The following KHDRBS2 variants were observed in gnomAD, a reference collection of about 807,000 sequenced individuals.
The protein encoded by KHDRBS2 is KH domain-containing, RNA-binding, signal transduction-associated protein 2.
A neutral mutation model predicts 44.3 loss-of-function variants in KHDRBS2; 26 were observed. The observed-to-expected ratio is 0.59, with a 90% confidence interval of 0.43 to 0.81. The LOEUF (loss-of-function observed/expected upper bound fraction) is 0.81, where lower values mean the gene tolerates loss of function less well. KHDRBS2 is among the 40% of genes least tolerant of loss of function. The pLI is 0.00. For synonymous variants in KHDRBS2, 194 were observed against 151.1 expected, an observed-to-expected ratio of 1.28 and a Z score of -2.08; for missense variants, 476 against 433.1, an observed-to-expected ratio of 1.10 and a Z score of -0.88.
intron 6 of KHDRBS2, among the ~76,000 whole-genome samples, chr6:61,775,760 A>G (rs1781868325): frequency 6.6e-6 from 1 of 152,226 alleles, no homozygotes; most frequent in African/African-American, 2.4e-5. Context: ...TCAAGCTACC[A>G]GTGACTTTCT....
intron 4 of KHDRBS2, among the ~76,000 whole-genome samples, chr6:61,911,270 G>A (rs1379440012): frequency 6.6e-6 from 1 of 152,110 alleles, no homozygotes; most frequent in African/African-American, 2.4e-5. Context: ...AAGGAGTTTT[G>A]CTAAATAAAT....
intron 3 of KHDRBS2, among the ~76,000 whole-genome samples, chr6:61,993,599 T>C (rs1469306622): frequency 2.8e-5 from 4 of 143,280 alleles, no homozygotes; most frequent in African/African-American, 1.0e-4. Context: ...AGAAATAAGA[T>C]CATGGACAGG....
intron 1 of KHDRBS2, among the ~76,000 whole-genome samples, chr6:62,179,371 T>A (rs1585084121): frequency 6.6e-6 from 1 of 151,730 alleles, no homozygotes. Flanking sequence ...ATATTCTACA[T>A]GGAAGTATTA....
chr6:61,557,386 T>A, the KHDRBS2 span, among the ~76,000 whole-genome samples: 125 of 152,158 alleles, frequency 8.2e-4, no homozygotes, highest in Non-Finnish European at 1.6e-3. Context: ...ATAGAATATA[T>A]ATAGAGAGTG....
intron 4 of KHDRBS2, among the ~76,000 whole-genome samples, chr6:61,904,924 G>C (rs1804689778): frequency 6.6e-6 from 1 of 152,162 alleles, no homozygotes; most frequent in Non-Finnish European, 1.5e-5. Flanking sequence ...AAGTTCCTAA[G>C]ATCACAAGGC....
At chr6:61,891,190 G>A (rs566238683) in intron 6 of KHDRBS2, among the ~76,000 whole-genome samples, 2 of 152,282 alleles carry the variant, frequency 1.3e-5, no homozygotes, top group South Asian at 4.1e-4. Context: ...CAAATACCTA[G>A]ATCAGGAGAT....
intron 1 of KHDRBS2, among the ~76,000 whole-genome samples, chr6:62,251,432 G>T (rs572677282): frequency 6.6e-6 from 1 of 151,862 alleles, no homozygotes; most frequent in Admixed American, 6.6e-5. Context: ...ATCTAAGTTT[G>T]CAATTATTTT....
intron 4 of KHDRBS2, among the ~76,000 whole-genome samples, chr6:61,936,739 T>A (rs1355056848): frequency 6.6e-6 from 1 of 152,022 alleles, no homozygotes; most frequent in African/African-American, 2.4e-5. Context: ...GAACTGAAAG[T>A]CAATAATTAT....
rs115423029 is a variant in KHDRBS2, at chr6:62,120,551, C to T, written c.219+56634G>A. Among the ~76,000 whole-genome samples the T allele has an allele frequency of 3.9e-3, 595 of 152,132 alleles. 2 individuals carry two copies. Among genetic ancestry groups the T allele is most frequent in the African/African-American group, 0.014 (566 of 41,496 alleles). ...TCAAAGGCAAGGTGGGCATAGCTAC[C>T]GTAATGAACAGAAGAGGCAAAGCAG... On this transcript the variant is annotated intron_variant, in intron 2 of 8. Coordinates refer to ENST00000281156, the MANE Select transcript of KHDRBS2 (RefSeq NM_152688.4).
At chr6:62,104,105 C>T (rs183003683) in intron 2 of KHDRBS2, among the ~76,000 whole-genome samples, 2 of 152,206 alleles carry the variant, frequency 1.3e-5, no homozygotes, top group African/African-American at 4.8e-5. Flanking sequence ...TAAATGATTG[C>T]TGTTTAAACA....
chr6:61,831,000 T>TA (rs927566649), intron 6 of KHDRBS2, among the ~76,000 whole-genome samples: 3 of 152,034 alleles, frequency 2.0e-5, no homozygotes, highest in Non-Finnish European at 4.4e-5. Context: ...TATTAAGATA[T>TA]AAAAAAAAGT....
At chr6:61,710,550 G>A (rs922417583) in intron 7 of KHDRBS2, among the ~76,000 whole-genome samples, 3 of 151,446 alleles carry the variant, frequency 2.0e-5, no homozygotes, top group Non-Finnish European at 4.4e-5. Context: ...ATGGTGGAGT[G>A]TCTCTTAAAG....
At chr6:61,793,566 TA>T (rs1394828158) in intron 6 of KHDRBS2, among the ~76,000 whole-genome samples, 1 of 152,080 alleles carries the variant, frequency 6.6e-6, no homozygotes, top group Non-Finnish European at 1.5e-5. Flanking sequence ...TGTAATGCTT[TA>T]TTTTTTCAAA....
intron 2 of KHDRBS2, among the ~76,000 whole-genome samples, chr6:62,162,793 C>A (rs1434774294): frequency 6.6e-6 from 1 of 152,012 alleles, no homozygotes; most frequent in African/African-American, 2.4e-5. Flanking sequence ...GTTTGCCTGG[C>A]ACATTGGATA....
At chr6:62,201,644 G>A (rs541058008) in intron 1 of KHDRBS2, among the ~76,000 whole-genome samples, 2 of 151,894 alleles carry the variant, frequency 1.3e-5, no homozygotes, top group African/African-American at 2.4e-5. Flanking sequence ...TTTCACTTTC[G>A]CTTTGGAAAA....
intron 6 of KHDRBS2, among the ~76,000 whole-genome samples, chr6:61,801,020 GC>G (rs762020904): frequency 9.9e-5 from 15 of 152,218 alleles, no homozygotes; most frequent in Admixed American, 2.6e-4. Context: ...ATACATGCCT[GC>G]ATTTGCACCT....
At chr6:62,063,986 A>G (rs1273988124) in intron 2 of KHDRBS2, among the ~76,000 whole-genome samples, 1 of 149,088 alleles carries the variant, frequency 6.7e-6, no homozygotes, top group African/African-American at 2.5e-5. Context: ...TACACCAACA[A>G]CAGACAAACA....
At chr6:61,654,685 G>C in the KHDRBS2 span, among the ~76,000 whole-genome samples, 40 of 151,136 alleles carry the variant, frequency 2.6e-4, no homozygotes, top group South Asian at 2.7e-3. Context: ...TTTCTTCTCT[G>C]AGTTGCTCAA....
chr6:62,281,768 G>A (rs533773731), intron 1 of KHDRBS2, among the ~76,000 whole-genome samples: 37 of 152,000 alleles, frequency 2.4e-4, no homozygotes, highest in African/African-American at 8.2e-4. Flanking sequence ...CTGTTATATA[G>A]ATGAAGAAAC....
Sources: allele counts gnomAD v4.1 joint callset (sites outside exome capture counted in the v4.1 genomes callset), GRCh38; gene constraint gnomAD v4.1.1; transcripts MANE v1.5; gene names NCBI Gene and HGNC (gene_info 2026-07-23, HGNC 2026-07-21).